ATL2: variants seen among roughly 807,000 people sequenced by gnomAD.
ATL2 encodes atlastin GTPase 2.
In ATL2, 31 loss-of-function variants were observed where a neutral mutation model predicts 73.9. The observed-to-expected ratio is 0.42, with a 90% confidence interval of 0.32 to 0.57. The LOEUF is 0.57. Among genes scored for constraint, ATL2 ranks in the 20% least tolerant of loss-of-function variants. ATL2 has a pLI of 0.14. For missense variants in ATL2, 738 were observed against 702.6 expected, an observed-to-expected ratio of 1.05 and a Z score of -0.57; for synonymous variants, 291 against 237.5, an observed-to-expected ratio of 1.23 and a Z score of -2.07.
At position 38,337,486 on chromosome 2, in the gene ATL2, CAAAAAAAAAAAAAAAA is replaced by C. The variant is rs755029194; in HGVS notation, c.363+5766_363+5781del. Among the ~76,000 whole-genome samples, 18 of 21,638 alleles carry C rather than the reference CAAAAAAAAAAAAAAAA, an allele frequency of 8.3e-4. 1 individual carries two copies. The highest frequency in any genetic ancestry group is 6.7e-3 in the South Asian group (2 of 300). 14.2% of individuals were successfully genotyped at this position (21,638 alleles called of 152,430 possible). A position where few individuals can be genotyped will look rare whatever the true frequency, so the allele number is the denominator to read the frequency against. The stretch of plus-strand genomic sequence containing the variant: ...TGGCGACAGAACAAGACTCTGTCTC[CAAAAAAAAAAAAAAAA>C]AAAAAAAAAAAAAAAGGCAGTTGAG... On this transcript the variant is annotated intron_variant, in intron 2 of 12. Transcript: ENST00000378954.
chr2:38,324,233 G>A lies in ATL2; in HGVS notation c.364-5214C>T, dbSNP rs111794626. Reference sequence around the variant, plus strand: ...GCGGAGGATGCGATGAGCCAAGATCGCGCCATTGCACTCCAGCCTGGGCAA... The same window carrying A: ...GCGGAGGATGCGATGAGCCAAGATCACGCCATTGCACTCCAGCCTGGGCAA... On this transcript the variant is annotated intron_variant, in intron 2 of 12. Coordinates refer to ENST00000378954, the MANE Select transcript of ATL2 (RefSeq NM_001135673.4). 4.7e-3 allele frequency among the ~76,000 whole-genome samples: 708 copies of A among 152,248 alleles called. 9 individuals are homozygous for A. Among genetic ancestry groups the A allele is most frequent in the African/African-American group, 0.015 (621 of 41,542 alleles).
chr2:38,368,034 A>C (rs1671445035), intron 1 of ATL2, among the ~76,000 whole-genome samples: 1 of 150,438 alleles, frequency 6.6e-6, no homozygotes, highest in Admixed American at 6.6e-5. Context: ...TTCCGGGTTC[A>C]CACCATTCTC....
At chr2:38,376,778 G>A (rs1417489839) in intron 1 of ATL2, among the ~76,000 whole-genome samples, 1 of 151,868 alleles carries the variant, frequency 6.6e-6, no homozygotes, top group Non-Finnish European at 1.5e-5. Context: ...CGGAGCCGCA[G>A]CCGACCTCCC....
chr2:38,363,738 T>A (rs59331599), intron 1 of ATL2, among the ~76,000 whole-genome samples: 7,220 of 152,260 alleles, frequency 0.047, 567 homozygotes, highest in African/African-American at 0.16. Context: ...TTCACACTGG[T>A]AACTAGAGAG....
intron 1 of ATL2, among the ~76,000 whole-genome samples, chr2:38,345,084 T>C (rs1178527941): frequency 6.6e-6 from 1 of 152,152 alleles, no homozygotes; most frequent in Non-Finnish European, 1.5e-5. Context: ...CTTTCTTCTC[T>C]ACCAACTGCT....
At chr2:38,307,603 A>G (rs1170548253) in intron 9 of ATL2, among the ~76,000 whole-genome samples, 1 of 152,114 alleles carries the variant, frequency 6.6e-6, no homozygotes, top group Non-Finnish European at 1.5e-5. Flanking sequence ...CAACCAAAGC[A>G]AAAATAAACG....
intron 1 of ATL2, among the ~76,000 whole-genome samples, chr2:38,344,292 C>G (rs1033039834): frequency 1.3e-5 from 2 of 152,158 alleles, no homozygotes; most frequent in Non-Finnish European, 2.9e-5. Flanking sequence ...AAACATTACT[C>G]TACTTTACAA....
At chr2:38,362,318 C>A (rs1243716396) in intron 1 of ATL2, among the ~76,000 whole-genome samples, 1 of 152,088 alleles carries the variant, frequency 6.6e-6, no homozygotes, top group Non-Finnish European at 1.5e-5. Flanking sequence ...AGACATATCA[C>A]GGGGCAAAAA....
chr2:38,327,541 A>T (rs1304613318), intron 2 of ATL2, among the ~76,000 whole-genome samples: 3 of 45,538 alleles, frequency 6.6e-5, no homozygotes, highest in African/African-American at 3.5e-4. Context: ...AAAAAAGTAC[A>T]AAAAAAAAAA....
chr2:38,343,346 T>G lies in ATL2; in HGVS notation c.285A>C (p.Val95=). ...LQEHIRDLNI[V]VVSVAGAFRK... is the part of the protein sequence containing the mutation. Reference sequence around the variant, plus strand: ...GAAAAGCTCCTGCCACAGATACCACTACTATGTTAAGATCTCGTATGTGCT... The same window carrying G: ...GAAAAGCTCCTGCCACAGATACCACGACTATGTTAAGATCTCGTATGTGCT... Residue 95 remains valine (V), a synonymous_variant, in exon 2 of 13, where the codon GTA becomes GTC. Coordinates refer to ENST00000378954, the MANE Select transcript of ATL2 (RefSeq NM_001135673.4). The G allele has an allele frequency of 6.2e-7, 1 of 1,611,936 alleles. No homozygotes were observed. Among genetic ancestry groups the G allele is most frequent in the Middle Eastern group, 1.6e-4 (1 of 6,062 alleles).
At chr2:38,321,557 A>G (rs930620345) in intron 2 of ATL2, among the ~76,000 whole-genome samples, 1 of 151,884 alleles carries the variant, frequency 6.6e-6, no homozygotes, top group Admixed American at 6.6e-5. Flanking sequence ...TCTCTATGCA[A>G]CTCCTGCTCT....
chr2:38,344,738 GTAC>G (rs1413617581), intron 1 of ATL2, among the ~76,000 whole-genome samples: 2 of 152,108 alleles, frequency 1.3e-5, no homozygotes, highest in Non-Finnish European at 2.9e-5. Context: ...CAGTAACCTA[GTAC>G]TACTACAGCC....
At chr2:38,317,383 A>G (rs981649075) in intron 4 of ATL2, among the ~76,000 whole-genome samples, 1 of 152,360 alleles carries the variant, frequency 6.6e-6, no homozygotes, top group African/African-American at 2.4e-5. Flanking sequence ...ACACCAAATG[A>G]CATGTGGTAG....
rs573231364 is a variant in ATL2 at position 38,337,140 on chromosome 2, G to C, written c.363+6128C>G. Among the ~76,000 whole-genome samples, 30 of 151,960 alleles carry C rather than the reference G, an allele frequency of 2.0e-4. No homozygotes were observed. In the South Asian group the frequency reaches 4.0e-3, roughly 20 times the overall value. ...CTAAAATGCATTAAAACACTTTGAAGACAACCAATCACAATGTGGACTATT... is the reference window on the plus strand; with the variant it reads ...CTAAAATGCATTAAAACACTTTGAACACAACCAATCACAATGTGGACTATT... On this transcript the variant is annotated intron_variant, in intron 2 of 12. Transcript: ENST00000378954.
chr2:38,343,265 C>CACCTTGTTA lies in ATL2; in HGVS notation c.357_363+2dup, dbSNP rs1669832435. The CACCTTGTTA allele has an allele frequency of 6.4e-7, 1 of 1,566,562 alleles. No homozygotes were observed. The highest frequency in any genetic ancestry group is 8.6e-7 in the Non-Finnish European group (1 of 1,161,188). On this transcript the variant is annotated splice_region_variant and intron_variant, in intron 2 of 12. Transcript: ENST00000378954. Reference sequence around the variant, plus strand: ...ATTGGGTTCAATTTAAAAGACTATTCACCTTGTTATACATGTATCTAAGCA... The same window carrying CACCTTGTTA: ...ATTGGGTTCAATTTAAAAGACTATTCACCTTGTTAACCTTGTTATACATGTATCTAAGCA...
At chr2:38,376,190 A>G in intron 1 of ATL2, 1 of 1,521,760 alleles carries the variant, frequency 6.6e-7, no homozygotes, top group Non-Finnish European at 8.8e-7. Flanking sequence ...CAAAATTTTC[A>G]ATCAGGATTT....
intron 6 of ATL2, 149 bp downstream of exon 6, chr2:38,314,459 G>T: frequency 1.8e-6 from 1 of 568,116 alleles, no homozygotes. Flanking sequence ...GTATGCTGAT[G>T]ATACTACCAA....
intron 2 of ATL2, among the ~76,000 whole-genome samples, chr2:38,338,126 C>T (rs578152942): frequency 6.6e-6 from 1 of 152,212 alleles, no homozygotes; most frequent in African/African-American, 2.4e-5. Context: ...AATCATGCAG[C>T]CATAAAAAAG....
chr2:38,330,148 A>T (rs1339249320), intron 2 of ATL2, among the ~76,000 whole-genome samples: 1 of 151,854 alleles, frequency 6.6e-6, no homozygotes, highest in Non-Finnish European at 1.5e-5. Flanking sequence ...GAAAGAAAAA[A>T]AAAACACATG....
Sources: allele counts gnomAD v4.1 joint callset (sites outside exome capture counted in the v4.1 genomes callset), GRCh38; gene constraint gnomAD v4.1.1; transcripts MANE v1.5; gene names NCBI Gene and HGNC (gene_info 2026-07-23, HGNC 2026-07-21).